IPPK: variants seen among roughly 807,000 people sequenced by gnomAD.
The protein encoded by IPPK is IPK1 homolog.
Under a neutral mutation model 64.6 loss-of-function variants are expected in IPPK, and 22 were observed. The observed-to-expected ratio is 0.34, with a 90% CI of 0.24 to 0.49. IPPK has a LOEUF of 0.49. IPPK is among the 20% of genes least tolerant of loss of function. The pLI, the probability that IPPK is intolerant of heterozygous loss-of-function variation, is 0.99. For missense variants in IPPK, 532 were observed against 630.7 expected, an observed-to-expected ratio of 0.84 and a Z score of 1.68; for synonymous variants, 262 against 247.2, an observed-to-expected ratio of 1.06 and a Z score of -0.56.
intron 9 of IPPK, among the ~76,000 whole-genome samples, chr9:92,637,504 G>A (rs936216381): frequency 2.6e-5 from 4 of 152,128 alleles, no homozygotes; most frequent in African/African-American, 4.8e-5. Flanking sequence ...GGCCAGGCCC[G>A]GCTCCTGTCT....
chr9:92,628,803 G>A (rs867113279), intron 11 of IPPK, among the ~76,000 whole-genome samples: 10 of 152,156 alleles, frequency 6.6e-5, no homozygotes, highest in Non-Finnish European at 1.3e-4. Flanking sequence ...CTTGAACCCA[G>A]GAGGCAGAGG....
chr9:92,636,313 G>A (rs1851942075), intron 9 of IPPK, among the ~76,000 whole-genome samples: 1 of 152,170 alleles, frequency 6.6e-6, no homozygotes, highest in Non-Finnish European at 1.5e-5. Context: ...TAAAATTACA[G>A]CAGATCCATG....
intron 11 of IPPK, among the ~76,000 whole-genome samples, chr9:92,621,483 T>C (rs1334282499): frequency 6.6e-6 from 1 of 151,278 alleles, no homozygotes; most frequent in Non-Finnish European, 1.5e-5. Flanking sequence ...CTACAAAGCA[T>C]TTAAGTCAGA....
At position 92,667,515 on chromosome 9, in the gene IPPK, G is replaced by C. The variant is rs142204146; in HGVS notation, c.81+2393C>G. 6.6e-5 allele frequency among the ~76,000 whole-genome samples: 10 copies of C among 152,264 alleles called. No individual in the cohort carries two copies. In the East Asian group the frequency reaches 1.9e-3, roughly 29 times the overall value. ...GGCTCCATCTGACCTTAACTTGATG[G>C]GAAACATTTTCTCATGAGACTATGT... is the stretch of plus-strand genomic sequence containing the variant. On this transcript the variant is annotated intron_variant, in intron 1 of 12. Coordinates refer to ENST00000287996, the MANE Select transcript of IPPK (RefSeq NM_022755.6).
In IPPK at chr9:92,614,460, C is replaced by G. The variant is rs546896729; in HGVS notation, c.*1372G>C. On this transcript the variant is annotated 3_prime_UTR_variant, in exon 13 of 13. Coordinates refer to ENST00000287996, the MANE Select transcript of IPPK (RefSeq NM_022755.6). The stretch of plus-strand genomic sequence containing the variant: ...GGTGTCATTGGAAGTGAGAAGAAAA[C>G]AGTAAAAGTGTCCAGTTAGATAAGT... 1 of 152,508 alleles carries G rather than the reference C, an allele frequency of 6.6e-6. No individual in the cohort carries two copies. The highest frequency in any genetic ancestry group is 6.5e-5 in the Admixed American group (1 of 15,282). 9.4% of individuals were successfully genotyped at this position (152,508 alleles called of 1,614,324 possible).
intron 11 of IPPK, chr9:92,620,303 C>T (rs1401788812): frequency 6.6e-6 from 1 of 152,472 alleles, no homozygotes; most frequent in African/African-American, 2.4e-5. Flanking sequence ...CAACACACAC[C>T]ACACTGTCAG....
Position 92,635,389 on chromosome 9 carries a change from A to G in IPPK, c.917-81T>C. The G allele has an allele frequency of 4.1e-6, 6 of 1,459,360 alleles. No individual in the cohort carries two copies. The highest frequency in any genetic ancestry group is 5.6e-6 in the Non-Finnish European group (6 of 1,073,792). The allele number at this position is 1,459,360 out of a possible 1,614,324, so 90.4% of individuals were successfully genotyped here. On this transcript the variant is annotated intron_variant, in intron 9 of 12. Coordinates refer to ENST00000287996, the MANE Select transcript of IPPK (RefSeq NM_022755.6). The surrounding 1 kb of genome is among the most constrained non-coding windows in gnomAD (Gnocchi z 4.4). ...GGAGACACAGGCCGGCGCAGACCGC[A>G]GGGCTCATCCTGGGCTCCGCCATAC...
chr9:92,649,413 T>G lies in IPPK; in HGVS notation c.414+40A>C, dbSNP rs762088112. 5.0e-6 allele frequency: 8 copies of G among 1,612,452 alleles called. No homozygotes were observed. The African/African-American group carries it at 9.3e-5, about 19-fold the overall frequency. On this transcript the variant is annotated intron_variant, in intron 5 of 12. Transcript: ENST00000287996. Reference sequence around the variant, plus strand: ...TTGGACTTACTACCCAAGACTGACCTTTCCCCTTTACCCACACCATCTGCC... The same window carrying G: ...TTGGACTTACTACCCAAGACTGACCGTTCCCCTTTACCCACACCATCTGCC...
chr9:92,624,905 TA>T (rs34574363), intron 11 of IPPK, among the ~76,000 whole-genome samples: 42,452 of 138,738 alleles, frequency 0.31, 6,693 homozygotes, highest in East Asian at 0.71. Flanking sequence ...TACACAGAGC[TA>T]AAAAAAAAAA....
Position 92,652,448 on chromosome 9 carries a change from C to CAAAAA in IPPK, c.292+120_292+124dup, listed in dbSNP as rs376104704. ...TGGGCGACAGAGTGAGACTCCGTCTCAAAAAAAAAAAAAAAAAAAGGATTA... is the reference window on the plus strand; with the variant it reads ...TGGGCGACAGAGTGAGACTCCGTCTCAAAAAAAAAAAAAAAAAAAAAAAAGGATTA... On this transcript the variant is annotated intron_variant, in intron 4 of 12. Transcript: ENST00000287996. 6 of 217,138 alleles carry CAAAAA rather than the reference C, an allele frequency of 2.8e-5. No individual in the cohort carries two copies. The East Asian group carries it at 3.6e-4, about 13-fold the overall frequency. The allele number at this position is 217,138 out of a possible 1,614,324, so 13.5% of individuals were successfully genotyped here.
chr9:92,642,474 T>C (rs1387299709), intron 7 of IPPK, among the ~76,000 whole-genome samples: 1 of 152,262 alleles, frequency 6.6e-6, no homozygotes, highest in Non-Finnish European at 1.5e-5. Flanking sequence ...TGAGCACCAG[T>C]TGATTTCTGA....
At position 92,635,053 on chromosome 9, in the gene IPPK, G is replaced by A. The variant is rs148979345; in HGVS notation, c.1067+105C>T. ...GACTGGGGTAGGAAGTGGCCGGCAT[G>A]CTTCATCCTCCTGGGAAGCTGTGCC... On this transcript the variant is annotated intron_variant, in intron 10 of 12. Transcript: ENST00000287996. The surrounding 1 kb of genome is among the most constrained non-coding windows in gnomAD (Gnocchi z 4.4). 6.1e-4 allele frequency: 710 copies of A among 1,165,792 alleles called. 4 individuals are homozygous for A. In the African/African-American group the frequency reaches 9.6e-3, roughly 16 times the overall value. 72.2% of individuals were successfully genotyped at this position (1,165,792 alleles called of 1,614,324 possible). A position where few individuals can be genotyped will look rare whatever the true frequency, so the allele number is the denominator to read the frequency against.
intron 4 of IPPK, among the ~76,000 whole-genome samples, chr9:92,651,139 G>A (rs1852259272): frequency 6.6e-6 from 1 of 151,916 alleles, no homozygotes; most frequent in South Asian, 2.1e-4. Flanking sequence ...CTTTCCTGCA[G>A]TGTGAAGCCC....
chr9:92,637,318 G>C (rs1254076078), intron 9 of IPPK, among the ~76,000 whole-genome samples: 1 of 152,130 alleles, frequency 6.6e-6, no homozygotes, highest in African/African-American at 2.4e-5. Flanking sequence ...AAAAACAAAA[G>C]AAAAAATTGG....
At chr9:92,668,250 AGAGT>A (rs1476103045) in intron 1 of IPPK, among the ~76,000 whole-genome samples, 9 of 152,226 alleles carry the variant, frequency 5.9e-5, no homozygotes, top group African/African-American at 2.2e-4. Flanking sequence ...CCTGGGCAAC[AGAGT>A]GAGACCCCGT....
At chr9:92,640,671 C>G (rs1320497374) in intron 8 of IPPK, 39 bp downstream of exon 8, 3 of 1,413,806 alleles carry the variant, frequency 2.1e-6, no homozygotes, top group Non-Finnish European at 3.0e-6. Context: ...CTTTGCCAGC[C>G]CCACCCTGAA....
chr9:92,646,146 A>G (rs1852146394), intron 6 of IPPK, among the ~76,000 whole-genome samples: 1 of 152,236 alleles, frequency 6.6e-6, no homozygotes, highest in African/African-American at 2.4e-5. Flanking sequence ...AACTTTGTCT[A>G]TGATTGAAAT....
chr9:92,653,710 G>T (rs1027239047), intron 3 of IPPK, among the ~76,000 whole-genome samples: 3 of 152,142 alleles, frequency 2.0e-5, no homozygotes, highest in Admixed American at 6.5e-5. Context: ...TTAGCCGGGT[G>T]TGGTGGCGCA....
chr9:92,634,787 G>A (rs1015491057), intron 10 of IPPK, among the ~76,000 whole-genome samples: 10 of 152,160 alleles, frequency 6.6e-5, no homozygotes, highest in African/African-American at 1.7e-4. Context: ...ACTGGACACC[G>A]CGGGTGTGGA....
Sources: allele counts gnomAD v4.1 joint callset (sites outside exome capture counted in the v4.1 genomes callset), GRCh38; gene constraint gnomAD v4.1.1; non-coding constraint Gnocchi (gnomAD v3.1); transcripts MANE v1.5; gene names NCBI Gene and HGNC (gene_info 2026-07-23, HGNC 2026-07-21).